PCNX2: variants seen among roughly 807,000 people sequenced by gnomAD.
PCNX2 encodes pecanex-like protein 2.
PCNX2 carries 168 observed loss-of-function variants against 223.8 expected under a neutral mutation model. The observed-to-expected ratio is 0.75, with a 90% CI of 0.66 to 0.85. The LOEUF is 0.85. PCNX2 is among the 40% of genes least tolerant of loss of function. The pLI, the probability that PCNX2 is intolerant of heterozygous loss-of-function variation, is 0.00. For missense variants in PCNX2, 2,507 were observed against 2,675.5 expected, an observed-to-expected ratio of 0.94 and a Z score of 1.39; for synonymous variants, 1,006 against 1,052.6, an observed-to-expected ratio of 0.96 and a Z score of 0.86.
intron 25 of PCNX2, among the ~76,000 whole-genome samples, chr1:233,039,302 C>T (rs1049993621): frequency 1.3e-5 from 2 of 152,080 alleles, no homozygotes; most frequent in African/African-American, 4.8e-5. Flanking sequence ...AGGCCGTGGA[C>T]CTTGGGGTCA....
intron 25 of PCNX2, among the ~76,000 whole-genome samples, chr1:233,051,341 G>A (rs960820319): frequency 3.3e-5 from 5 of 152,152 alleles, no homozygotes; most frequent in South Asian, 2.1e-4. Flanking sequence ...TCCCATTACC[G>A]GGTATATATA....
intron 15 of PCNX2, among the ~76,000 whole-genome samples, chr1:233,190,330 T>C (rs1680348719): frequency 6.6e-6 from 1 of 152,150 alleles, no homozygotes; most frequent in Non-Finnish European, 1.5e-5. Flanking sequence ...TGAAGATGGG[T>C]GAGCTTTTCT....
At chr1:233,158,203 TG>T (rs1385021782) in intron 19 of PCNX2, among the ~76,000 whole-genome samples, 2 of 152,200 alleles carry the variant, frequency 1.3e-5, no homozygotes, top group African/African-American at 2.4e-5. Context: ...GAGTTGTTAA[TG>T]GCCCACTCCT....
Position 233,001,858 on chromosome 1 carries a change from TG to T in PCNX2, c.4953-178del, listed in dbSNP as rs1670100384. Among the ~76,000 whole-genome samples, 1 of 152,212 alleles carries T rather than the reference TG, an allele frequency of 6.6e-6. No homozygotes were observed. On this transcript the variant is annotated intron_variant, in intron 28 of 33. Transcript: ENST00000258229. This position sits in a 1 kb window ranked among gnomAD's most constrained non-coding sequence, Gnocchi z 4.2. ...AGTGCCTACCCCTACAGCCCATGTT[TG>T]GGCCCTCATAAGTGCTAGTGTCATG...
At chr1:233,184,039 A>G (rs914491264) in intron 15 of PCNX2, among the ~76,000 whole-genome samples, 1 of 152,236 alleles carries the variant, frequency 6.6e-6, no homozygotes, top group African/African-American at 2.4e-5. Flanking sequence ...CGTTTTCCAA[A>G]GAAGAAGAAC....
rs1185678553 is a variant in PCNX2 at position 232,991,349 on chromosome 1, G to C, written c.5792-4809C>G. On this transcript the variant is annotated intron_variant, in intron 32 of 33. Coordinates refer to ENST00000258229, the MANE Select transcript of PCNX2 (RefSeq NM_014801.4). The surrounding 1 kb of genome is among the most constrained non-coding windows in gnomAD (Gnocchi z 4.3). ...GTTGAGGGACAGCAAGAGACCGTGT[G>C]CTGGGGATGTGGGCTCATAAGAGAG... is the stretch of plus-strand genomic sequence containing the variant. 6.6e-6 allele frequency among the ~76,000 whole-genome samples: 1 copy of C among 152,102 alleles called. No homozygotes were observed. The highest frequency in any genetic ancestry group is 1.5e-5 in the Non-Finnish European group (1 of 68,008).
chr1:233,229,152 G>A (rs1186925341), intron 9 of PCNX2, among the ~76,000 whole-genome samples: 1 of 152,176 alleles, frequency 6.6e-6, no homozygotes. Flanking sequence ...GGCCACAGCA[G>A]AACTCTCCAA....
chr1:233,256,958 C>G (rs1299622045), intron 5 of PCNX2, among the ~76,000 whole-genome samples: 1 of 152,152 alleles, frequency 6.6e-6, no homozygotes, highest in Non-Finnish European at 1.5e-5. Flanking sequence ...CTACCATATG[C>G]AAACACAACT....
chr1:233,110,175 C>A (rs979933020), intron 21 of PCNX2, among the ~76,000 whole-genome samples: 2 of 152,062 alleles, frequency 1.3e-5, no homozygotes, highest in African/African-American at 2.4e-5. Context: ...AATAAACAAA[C>A]AACAAAAACC....
At chr1:233,007,331 T>C (rs1255766716) in intron 28 of PCNX2, among the ~76,000 whole-genome samples, 1 of 151,966 alleles carries the variant, frequency 6.6e-6, no homozygotes, top group East Asian at 1.9e-4. Context: ...CACGGATGCA[T>C]GATGTAATTA....
intron 8 of PCNX2, among the ~76,000 whole-genome samples, chr1:233,249,355 G>A (rs539932116): frequency 6.6e-6 from 1 of 152,312 alleles, no homozygotes; most frequent in East Asian, 1.9e-4. Flanking sequence ...GCTGGGAATT[G>A]CAGAATAATA....
chr1:233,276,480 G>C (rs1469060366), intron 1 of PCNX2, among the ~76,000 whole-genome samples: 6 of 152,156 alleles, frequency 3.9e-5, no homozygotes. Context: ...GACATTCTAT[G>C]TTATATACAT....
At chr1:233,129,281 C>T (rs781327406) in intron 21 of PCNX2, among the ~76,000 whole-genome samples, 4 of 152,224 alleles carry the variant, frequency 2.6e-5, no homozygotes, top group Non-Finnish European at 4.4e-5. Flanking sequence ...GCTGGGTCCC[C>T]CAGCAGTGCC....
At chr1:233,190,947 A>C (rs1680390111) in intron 15 of PCNX2, among the ~76,000 whole-genome samples, 1 of 152,206 alleles carries the variant, frequency 6.6e-6, no homozygotes, top group African/African-American at 2.4e-5. Context: ...GACCTCAGTT[A>C]GAAAAAAATG....
intron 22 of PCNX2, among the ~76,000 whole-genome samples, chr1:233,091,401 G>C (rs1673863366): frequency 6.6e-6 from 1 of 150,908 alleles, no homozygotes; most frequent in South Asian, 2.1e-4. Context: ...GAATATAGAA[G>C]TAACTCGGAC....
chr1:232,988,994 C>T (rs1032595942), intron 32 of PCNX2, among the ~76,000 whole-genome samples: 5 of 152,144 alleles, frequency 3.3e-5, no homozygotes, highest in South Asian at 2.1e-4. Flanking sequence ...GACCCCAGTC[C>T]GCTCAGCCTC....
chr1:233,162,739 T>C (rs1224545902), intron 17 of PCNX2, among the ~76,000 whole-genome samples: 1 of 152,208 alleles, frequency 6.6e-6, no homozygotes, highest in African/African-American at 2.4e-5. Context: ...GGGGAGATGT[T>C]AATTTTTCTC....
intron 17 of PCNX2, among the ~76,000 whole-genome samples, chr1:233,171,249 T>A (rs1329301561): frequency 6.6e-6 from 1 of 152,168 alleles, no homozygotes; most frequent in East Asian, 1.9e-4. Flanking sequence ...GCCACTTTCT[T>A]TTCTTTTTGT....
At chr1:233,129,008 C>T (rs988748380) in intron 21 of PCNX2, among the ~76,000 whole-genome samples, 10 of 152,226 alleles carry the variant, frequency 6.6e-5, no homozygotes, top group Non-Finnish European at 1.5e-4. Flanking sequence ...TCGGCCTTGG[C>T]GTCTGCTCTG....
Sources: allele counts gnomAD v4.1 joint callset (sites outside exome capture counted in the v4.1 genomes callset), GRCh38; gene constraint gnomAD v4.1.1; non-coding constraint Gnocchi (gnomAD v3.1); transcripts MANE v1.5; gene names NCBI Gene and HGNC (gene_info 2026-07-23, HGNC 2026-07-21).